The following GRM8 variants were observed in gnomAD, a reference collection of about 807,000 sequenced individuals.
The protein encoded by GRM8 is metabotropic glutamate receptor 8.
A neutral mutation model predicts 87.2 loss-of-function variants in GRM8; 47 were observed. The observed-to-expected ratio is 0.54, with a 90% CI of 0.43 to 0.69. The LOEUF (loss-of-function observed/expected upper bound fraction) is 0.69. Among genes scored for constraint, GRM8 ranks in the 30% least tolerant of loss-of-function variants. The pLI, the probability that GRM8 is intolerant of heterozygous loss-of-function variation, is 0.00. For missense variants in GRM8, 1,019 were observed against 1,139.2 expected (o/e 0.89, Z 1.52); for synonymous variants, 396 against 404.5 (o/e 0.98, Z 0.25).
At chr7:126,752,194 G>C (rs1019020330) in intron 7 of GRM8, among the ~76,000 whole-genome samples, 1 of 152,104 alleles carries the variant, frequency 6.6e-6, no homozygotes, top group Non-Finnish European at 1.5e-5. Context: ...TACTCAGAAG[G>C]CTGAGGCAGA....
chr7:126,745,105 A>C (rs2151521387), intron 7 of GRM8, among the ~76,000 whole-genome samples: 1 of 151,910 alleles, frequency 6.6e-6, no homozygotes, highest in East Asian at 1.9e-4. Flanking sequence ...AATAATTTTT[A>C]AGTGTAAAGG....
At chr7:126,476,930 T>C (rs1348655002) in intron 9 of GRM8, among the ~76,000 whole-genome samples, 1 of 152,148 alleles carries the variant, frequency 6.6e-6, no homozygotes, top group African/African-American at 2.4e-5. Flanking sequence ...AGGAGATATC[T>C]GCACTTCCAT....
intron 8 of GRM8, among the ~76,000 whole-genome samples, chr7:126,570,894 C>A (rs1794636376): frequency 6.6e-6 from 1 of 152,154 alleles, no homozygotes; most frequent in South Asian, 2.1e-4. Context: ...AACATATATT[C>A]AGAATGTCAG....
chr7:126,892,037 A>AAAC (rs1412345604), intron 6 of GRM8, among the ~76,000 whole-genome samples: 2 of 151,168 alleles, frequency 1.3e-5, no homozygotes, highest in Non-Finnish European at 3.0e-5. Context: ...AAAAAAAAAA[A>AAAC]AAAAAACCCT....
chr7:127,095,781 A>G (rs1029962353), intron 3 of GRM8: 1 of 152,206 alleles, frequency 6.6e-6, no homozygotes, highest in Admixed American at 6.5e-5. Flanking sequence ...ATGCCTCTAA[A>G]TGATGCCTCC....
intron 3 of GRM8, among the ~76,000 whole-genome samples, chr7:127,031,475 G>T (rs1586803722): frequency 6.6e-6 from 1 of 151,958 alleles, no homozygotes; most frequent in South Asian, 2.1e-4. Flanking sequence ...GAACATGGCT[G>T]CTCCTCCCAC....
At chr7:126,583,874 G>C (rs1052488503) in intron 8 of GRM8, among the ~76,000 whole-genome samples, 5 of 152,198 alleles carry the variant, frequency 3.3e-5, no homozygotes, top group African/African-American at 1.2e-4. Flanking sequence ...CAGCAATACA[G>C]TTTGAGATTC....
At chr7:126,691,343 G>T (rs984554876) in intron 7 of GRM8, among the ~76,000 whole-genome samples, 1 of 152,204 alleles carries the variant, frequency 6.6e-6, no homozygotes, top group Admixed American at 6.5e-5. Flanking sequence ...CACCGGGAGT[G>T]GGGAGAGGCC....
chr7:126,763,466 TATATATACAC>T (rs1485210117), intron 7 of GRM8, among the ~76,000 whole-genome samples: 938 of 82,578 alleles, frequency 0.011, 6 homozygotes, highest in Middle Eastern at 0.034. Flanking sequence ...TATATATATA[TATATATACAC>T]ACACACACAC....
rs369745486 is a variant in GRM8 at position 126,729,111 on chromosome 7, G to C, written c.1357+40754C>G. On this transcript the variant is annotated intron_variant, in intron 7 of 10. Coordinates refer to ENST00000339582, the MANE Select transcript of GRM8 (RefSeq NM_000845.3). Reference sequence around the variant, plus strand: ...TCATAGTGATTAAAGACCTGATTCCGTCCCCTCCCACCTGTATGAAGTTCA... The same window carrying C: ...TCATAGTGATTAAAGACCTGATTCCCTCCCCTCCCACCTGTATGAAGTTCA... 7.2e-5 allele frequency among the ~76,000 whole-genome samples: 11 copies of C among 152,194 alleles called. No individual in the cohort carries two copies. In the East Asian group the frequency reaches 2.1e-3, roughly 29 times the overall value.
At chr7:126,657,017 A>C (rs940820191) in intron 7 of GRM8, among the ~76,000 whole-genome samples, 6 of 152,226 alleles carry the variant, frequency 3.9e-5, no homozygotes, top group African/African-American at 1.4e-4. Flanking sequence ...ATGTTCGTAC[A>C]GCAATTTATA....
intron 9 of GRM8, among the ~76,000 whole-genome samples, chr7:126,495,060 C>A (rs1808537781): frequency 1.3e-5 from 2 of 152,066 alleles, no homozygotes; most frequent in South Asian, 2.1e-4. Flanking sequence ...ACTGTTTAAT[C>A]TTTCAAGTGG....
At chr7:126,650,690 C>A (rs1184293743) in intron 7 of GRM8, among the ~76,000 whole-genome samples, 2 of 151,698 alleles carry the variant, frequency 1.3e-5, no homozygotes, top group East Asian at 1.9e-4. Flanking sequence ...GTCAAAAACT[C>A]TGAAGATATT....
At chr7:126,523,117 T>C (rs537029572) in intron 9 of GRM8, among the ~76,000 whole-genome samples, 9 of 152,358 alleles carry the variant, frequency 5.9e-5, no homozygotes, top group Non-Finnish European at 1.3e-4. Context: ...ACCAAAGATT[T>C]TGAGTCATTT....
chr7:126,454,645 C>CG (rs1563023635), intron 9 of GRM8, among the ~76,000 whole-genome samples: 1 of 151,440 alleles, frequency 6.6e-6, no homozygotes, highest in African/African-American at 2.4e-5. Flanking sequence ...CATTTGAAGA[C>CG]GGGGTCTTTA....
chr7:126,482,466 A>G (rs1304870931), intron 9 of GRM8, among the ~76,000 whole-genome samples: 14 of 152,038 alleles, frequency 9.2e-5, no homozygotes, highest in Admixed American at 9.2e-4. Flanking sequence ...AATATTATTC[A>G]GCCTCAAAAA....
At chr7:126,902,063 T>A (rs2131200100) in intron 6 of GRM8, among the ~76,000 whole-genome samples, 1 of 152,334 alleles carries the variant, frequency 6.6e-6, no homozygotes, top group African/African-American at 2.4e-5. Flanking sequence ...CTATGGAAAG[T>A]AAAGCATCTA....
At chr7:127,177,788 C>T (rs1051282559) in intron 2 of GRM8, among the ~76,000 whole-genome samples, 6 of 152,154 alleles carry the variant, frequency 3.9e-5, no homozygotes, top group Non-Finnish European at 5.9e-5. Flanking sequence ...GCCACATCCA[C>T]AGGAAAATAG....
chr7:126,466,170 TA>T (rs1804482104), intron 9 of GRM8, among the ~76,000 whole-genome samples: 1 of 151,500 alleles, frequency 6.6e-6, no homozygotes, highest in South Asian at 2.1e-4. Context: ...TTAAAAAAGG[TA>T]CTTTTTTTTT....
Sources: gnomAD v4.1 joint callset for allele counts (sites outside exome capture counted in the v4.1 genomes callset) on GRCh38, gnomAD v4.1.1 for gene constraint, MANE v1.5 for transcripts, NCBI Gene and HGNC (gene_info 2026-07-23, HGNC 2026-07-21) for gene names.